Variants in DLGAP1 observed in about 807,000 individuals in gnomAD.
DLGAP1 encodes the protein disks large-associated protein 1.
In DLGAP1, 11 loss-of-function variants were observed where a neutral mutation model predicts 90.8. The ratio of observed to expected loss-of-function variants is 0.12; its 90% CI spans 0.08 to 0.20. DLGAP1 has a LOEUF of 0.20. DLGAP1 is among the 10% of genes least tolerant of loss of function. DLGAP1 has a pLI of 1.00. For missense variants in DLGAP1, 1,050 were observed against 1,333.8 expected, an observed-to-expected ratio of 0.79 and a Z score of 3.31; for synonymous variants, 558 against 540.7, an observed-to-expected ratio of 1.03 and a Z score of -0.44.
chr18:3,951,950 G>C (rs942499265), intron 3 of DLGAP1, among the ~76,000 whole-genome samples: 2 of 152,114 alleles, frequency 1.3e-5, no homozygotes, highest in Non-Finnish European at 2.9e-5. Context: ...ATAGCAGTGT[G>C]AAAATGGACT....
At chr18:4,376,793 A>T (rs1243313534) in intron 1 of DLGAP1, among the ~76,000 whole-genome samples, 1 of 152,148 alleles carries the variant, frequency 6.6e-6, no homozygotes, top group Non-Finnish European at 1.5e-5. Flanking sequence ...CAGATTCATC[A>T]GGCGCTTATT....
chr18:4,172,250 G>A (rs972555141), intron 1 of DLGAP1, among the ~76,000 whole-genome samples: 1 of 152,174 alleles, frequency 6.6e-6, no homozygotes, highest in Non-Finnish European at 1.5e-5. Flanking sequence ...AGAAGTTATT[G>A]TGTTAATTTT....
chr18:3,583,169 C>T (rs1375318337), intron 7 of DLGAP1, among the ~76,000 whole-genome samples: 1 of 99,902 alleles, frequency 1.0e-5, no homozygotes, highest in Non-Finnish European at 2.3e-5. Flanking sequence ...TACCTACCTA[C>T]CTACCTACCT....
intron 1 of DLGAP1, among the ~76,000 whole-genome samples, chr18:4,382,982 C>A (rs1305663114): frequency 6.6e-6 from 1 of 152,102 alleles, no homozygotes; most frequent in Non-Finnish European, 1.5e-5. Context: ...TAGGGCCAGC[C>A]AGTATATCAG....
intron 2 of DLGAP1, among the ~76,000 whole-genome samples, chr18:4,020,747 GA>G (rs1219134524): frequency 6.6e-6 from 1 of 152,124 alleles, no homozygotes; most frequent in Non-Finnish European, 1.5e-5. Flanking sequence ...CTTAACGGGG[GA>G]CCAGTCGGCC....
chr18:3,581,796 A>C, intron 8 of DLGAP1, 79 bp downstream of exon 8: 2 of 1,554,358 alleles, frequency 1.3e-6, no homozygotes, highest in Non-Finnish European at 1.7e-6. Flanking sequence ...CAAGAAAGCA[A>C]ATCTTCCGGG....
In DLGAP1 at chr18:3,660,137, C is replaced by CGGAT. The variant is rs1238107475; in HGVS notation, c.1591+68997_1591+68998insATCC. Among the ~76,000 whole-genome samples, 2 of 152,040 alleles carry CGGAT rather than the reference C, an allele frequency of 1.3e-5. No individual in the cohort carries two copies. Among genetic ancestry groups the CGGAT allele is most frequent in the Non-Finnish European group, 2.9e-5 (2 of 68,006 alleles). Reference sequence around the variant, plus strand: ...AGAGCAGGCCAGAAATAACTCTATCCCATTGCTCTTATTTATTTATTTGTT... The same window carrying CGGAT: ...AGAGCAGGCCAGAAATAACTCTATCCGGATCATTGCTCTTATTTATTTATTTGTT... On this transcript the variant is annotated intron_variant, in intron 7 of 12. Coordinates refer to ENST00000315677, the MANE Select transcript of DLGAP1 (RefSeq NM_004746.4). This position sits in a 1 kb window ranked among gnomAD's most constrained non-coding sequence, Gnocchi z 4.2.
chr18:4,183,047 G>C (rs2077234284), intron 1 of DLGAP1, among the ~76,000 whole-genome samples: 1 of 152,040 alleles, frequency 6.6e-6, no homozygotes, highest in Admixed American at 6.6e-5. Flanking sequence ...ATGACTGATG[G>C]TTACAGAAAC....
intron 1 of DLGAP1, among the ~76,000 whole-genome samples, chr18:4,363,438 T>A (rs568542635): frequency 2.0e-5 from 3 of 152,270 alleles, no homozygotes; most frequent in African/African-American, 7.2e-5. Context: ...ATAACTAAGC[T>A]GTCCTAACAC....
At position 4,181,378 on chromosome 18, in the gene DLGAP1, A is replaced by T. The variant is rs192913253; in HGVS notation, c.-266-30091T>A. Among the ~76,000 whole-genome samples the T allele has an allele frequency of 1.1e-4, 17 of 152,308 alleles. 1 individual carries two copies. The highest frequency in any genetic ancestry group is 4.1e-4 in the African/African-American group (17 of 41,588). ...ACATTTAAACAGTTTTTGATAAGACATGGACTAACAAACCGAATCCAACTG... is the reference window on the plus strand; with the variant it reads ...ACATTTAAACAGTTTTTGATAAGACTTGGACTAACAAACCGAATCCAACTG... On this transcript the variant is annotated intron_variant, in intron 1 of 12. Transcript: ENST00000315677.
chr18:4,197,220 A>C (rs1399641945), intron 1 of DLGAP1, among the ~76,000 whole-genome samples: 6 of 150,904 alleles, frequency 4.0e-5, no homozygotes, highest in African/African-American at 1.5e-4. Flanking sequence ...AAAAAAAAAG[A>C]AAGAGGCAGC....
chr18:3,943,098 C>A (rs962447968), intron 3 of DLGAP1, among the ~76,000 whole-genome samples: 1 of 152,042 alleles, frequency 6.6e-6, no homozygotes, highest in Non-Finnish European at 1.5e-5. Context: ...GCTCTCCATT[C>A]GGTTCTCTAT....
chr18:3,766,233 G>A (rs1268008436), intron 5 of DLGAP1, among the ~76,000 whole-genome samples: 1 of 152,070 alleles, frequency 6.6e-6, no homozygotes, highest in African/African-American at 2.4e-5. Flanking sequence ...TCAGAGATAG[G>A]GAAGTACATT....
chr18:3,970,694 C>G (rs2073428334), intron 3 of DLGAP1, among the ~76,000 whole-genome samples: 2 of 152,142 alleles, frequency 1.3e-5, no homozygotes, highest in South Asian at 4.2e-4. Context: ...AATTAATTCT[C>G]AAACAGGTAC....
At chr18:3,936,535 T>C (rs999690887) in intron 3 of DLGAP1, among the ~76,000 whole-genome samples, 5 of 152,222 alleles carry the variant, frequency 3.3e-5, no homozygotes, top group African/African-American at 7.2e-5. Flanking sequence ...TAATTCCATA[T>C]GCATTTAGCC....
chr18:4,254,426 T>A (rs2078846208), intron 1 of DLGAP1, among the ~76,000 whole-genome samples: 1 of 152,198 alleles, frequency 6.6e-6, no homozygotes, highest in Non-Finnish European at 1.5e-5. Context: ...GCAGAAGCTT[T>A]ATCACTCAAA....
intron 2 of DLGAP1, among the ~76,000 whole-genome samples, chr18:4,081,009 C>G (rs1326852211): frequency 6.6e-6 from 1 of 151,940 alleles, no homozygotes; most frequent in Non-Finnish European, 1.5e-5. Context: ...CTGCCTCAGC[C>G]TCCCGAGTAG....
At chr18:3,927,487 T>C (rs2072418513) in intron 3 of DLGAP1, among the ~76,000 whole-genome samples, 2 of 152,218 alleles carry the variant, frequency 1.3e-5, no homozygotes, top group South Asian at 4.1e-4. Context: ...GTTGTGTCAA[T>C]ATCAAAATCA....
chr18:3,720,038 ACTT>A (rs2061917501), intron 7 of DLGAP1, among the ~76,000 whole-genome samples: 1 of 152,188 alleles, frequency 6.6e-6, no homozygotes. Flanking sequence ...TAGATCTGAT[ACTT>A]CTTGTCAGAC....
Sources: allele counts gnomAD v4.1 joint callset (sites outside exome capture counted in the v4.1 genomes callset), GRCh38; gene constraint gnomAD v4.1.1; non-coding constraint Gnocchi (gnomAD v3.1); transcripts MANE v1.5; gene names NCBI Gene and HGNC (gene_info 2026-07-23, HGNC 2026-07-21).